DOT1L: variants seen among roughly 807,000 people sequenced by gnomAD.
DOT1L encodes the protein histone-lysine N-methyltransferase, H3 lysine-79 specific.
DOT1L carries 33 observed loss-of-function variants against 153.3 expected under a neutral mutation model. That is an observed-to-expected ratio of 0.22 (90% confidence interval 0.16 to 0.29). The LOEUF is 0.29. Among genes scored for constraint, DOT1L ranks in the 10% least tolerant of loss-of-function variants. DOT1L has a pLI of 1.00. For synonymous variants in DOT1L, 1,135 were observed against 965.1 expected, an observed-to-expected ratio of 1.18 and a Z score of -3.26; for missense variants, 1,847 against 2,119.9, an observed-to-expected ratio of 0.87 and a Z score of 2.53.
chr19:2,183,496 C>T (rs769103076), intron 2 of DOT1L, among the ~76,000 whole-genome samples: 3 of 152,084 alleles, frequency 2.0e-5, no homozygotes, highest in Non-Finnish European at 4.4e-5. Context: ...GTTTGGATGT[C>T]CGTTGAGAAT....
At position 2,207,469 on chromosome 19, in the gene DOT1L, G is replaced by A. The variant is rs894816071; in HGVS notation, c.857-105G>A. ...CGCAGTGTGGGAGAAGAGGGAAGAC[G>A]CGCAGCTCAGGCTTCTGTCCCCACG... On this transcript the variant is annotated intron_variant, in intron 10 of 27. Transcript: ENST00000398665. The surrounding 1 kb of genome is among the most constrained non-coding windows in gnomAD (Gnocchi z 4.5). 1.5e-5 allele frequency: 14 copies of A among 917,282 alleles called. No homozygotes were observed. Among genetic ancestry groups the A allele is most frequent in the South Asian group, 8.1e-5 (5 of 62,086 alleles). 56.8% of individuals were successfully genotyped at this position (917,282 alleles called of 1,614,324 possible). A position where few individuals can be genotyped will look rare whatever the true frequency, so the allele number is the denominator to read the frequency against.
chr19:2,172,346 C>T (rs1444839890), intron 1 of DOT1L, among the ~76,000 whole-genome samples: 3 of 148,978 alleles, frequency 2.0e-5, no homozygotes, highest in Non-Finnish European at 3.0e-5. Context: ...CCCGCCGCCA[C>T]GCCCAGCTAA....
intron 25 of DOT1L, among the ~76,000 whole-genome samples, chr19:2,224,399 T>G (rs1275731726): frequency 6.6e-6 from 1 of 152,102 alleles, no homozygotes; most frequent in Admixed American, 6.5e-5. Flanking sequence ...CACACTGAAT[T>G]TCTTGTTTTG....
rs867760416 is a variant in DOT1L, at chr19:2,165,277, G to A, written c.81+1012G>A. ...GGCCGGGCATCCCCGCGCGCCCTGGGACTCCCGCGCGCGCTGGGCTTGTGT... is the reference window on the plus strand; with the variant it reads ...GGCCGGGCATCCCCGCGCGCCCTGGAACTCCCGCGCGCGCTGGGCTTGTGT... On this transcript the variant is annotated intron_variant, in intron 1 of 27. Transcript: ENST00000398665. Among the ~76,000 whole-genome samples, 24 of 6,098 alleles carry A rather than the reference G, an allele frequency of 3.9e-3. 1 individual carries two copies. The highest frequency in any genetic ancestry group is 0.17 in the Middle Eastern group (2 of 12). 4.0% of individuals were successfully genotyped at this position (6,098 alleles called of 152,430 possible). A position where few individuals can be genotyped will look rare whatever the true frequency, so the allele number is the denominator to read the frequency against.
chr19:2,228,534 A>G, intron 27 of DOT1L: 1 of 985,226 alleles, frequency 1.0e-6, no homozygotes, highest in South Asian at 4.7e-5. Flanking sequence ...TGGTCGCGAG[A>G]GGAGGGACTA....
intron 18 of DOT1L, 140 bp downstream of exon 18, chr19:2,214,126 G>T: frequency 7.3e-7 from 1 of 1,375,188 alleles, no homozygotes; most frequent in South Asian, 1.4e-5. Context: ...CGCCACCTGT[G>T]AAAGCTTGTC....
Position 2,223,455 on chromosome 19 carries a change from C to T in DOT1L, c.3565C>T (p.Pro1189Ser). Residue 1189 changes from proline (P) to serine (S), a missense_variant, in exon 25 of 28, where the codon CCA (proline) becomes TCA (serine). Around this residue, in one of 8 missense-constraint regions of DOT1L, gnomAD observed 934 missense variants for 825.3 expected, o/e 1.13. Transcript: ENST00000398665. ...CTCCCCACTCACCTCAGACGAGGAG[C>T]CAGGCTCTGAGGACGAGCCCAGCAG... is the stretch of plus-strand genomic sequence containing the variant. ...HYSPLTSDEE[P>S]GSEDEPSSAR... 2 of 1,612,774 alleles carry T rather than the reference C, an allele frequency of 1.2e-6. No individual in the cohort carries two copies.
chr19:2,173,935 C>T (rs548461570), intron 1 of DOT1L, among the ~76,000 whole-genome samples: 68 of 152,264 alleles, frequency 4.5e-4, no homozygotes, highest in African/African-American at 1.5e-3. Flanking sequence ...CCAGGGAACT[C>T]CTTTGGTTGT....
chr19:2,232,482 T>C lies in DOT1L; in HGVS notation c.*2690T>C. On this transcript the variant is annotated 3_prime_UTR_variant, in exon 28 of 28. Coordinates refer to ENST00000398665, the MANE Select transcript of DOT1L (RefSeq NM_032482.3). ...ATTTGGATTGCGCGCATTGTCACGGTCCGCCCCTGGGCTGCAGGCGCCCCT... is the reference window on the plus strand; with the variant it reads ...ATTTGGATTGCGCGCATTGTCACGGCCCGCCCCTGGGCTGCAGGCGCCCCT... The C allele has an allele frequency of 4.5e-6, 1 of 222,004 alleles. No homozygotes were observed. The highest frequency in any genetic ancestry group is 9.0e-6 in the Non-Finnish European group (1 of 110,982). The allele number at this position is 222,004 out of a possible 1,614,324, so 13.8% of individuals were successfully genotyped here.
chr19:2,217,696 C>T lies in DOT1L; in HGVS notation c.2545-76C>T, dbSNP rs2144876623. Reference sequence around the variant, plus strand: ...GCCTTGAGAGAGCTGTAGCAGGCCCCCGTCCTGTGGCTGTGGTCCCTGTGT... The same window carrying T: ...GCCTTGAGAGAGCTGTAGCAGGCCCTCGTCCTGTGGCTGTGGTCCCTGTGT... On this transcript the variant is annotated intron_variant, in intron 21 of 27. Coordinates refer to ENST00000398665, the MANE Select transcript of DOT1L (RefSeq NM_032482.3). This position sits in a 1 kb window ranked among gnomAD's most constrained non-coding sequence, Gnocchi z 7.3. 1 of 1,532,566 alleles carries T rather than the reference C, an allele frequency of 6.5e-7. No homozygotes were observed. Among genetic ancestry groups the T allele is most frequent in the Non-Finnish European group, 8.8e-7 (1 of 1,136,894 alleles). The allele number at this position is 1,532,566 out of a possible 1,614,324, so 94.9% of individuals were successfully genotyped here. A position where few individuals can be genotyped will look rare whatever the true frequency, so the allele number is the denominator to read the frequency against.
At chr19:2,165,991 CG>C (rs1176040498) in intron 1 of DOT1L, among the ~76,000 whole-genome samples, 2 of 151,866 alleles carry the variant, frequency 1.3e-5, no homozygotes, top group African/African-American at 4.8e-5. Flanking sequence ...AGGATGGTCT[CG>C]ATCTCCTGAC....
At position 2,208,634 on chromosome 19, in the gene DOT1L, G is replaced by C. The variant is rs897337944; in HGVS notation, c.964-301G>C. On this transcript the variant is annotated intron_variant, in intron 11 of 27. Coordinates refer to ENST00000398665, the MANE Select transcript of DOT1L (RefSeq NM_032482.3). This position sits in a 1 kb window ranked among gnomAD's most constrained non-coding sequence, Gnocchi z 4.4. ...GAGGCGGGCGCGGTTCTTCTGTGCA[G>C]AAAGCCCTCCCTCTTCCAGAAGCAG... Among the ~76,000 whole-genome samples the C allele has an allele frequency of 7.2e-5, 11 of 152,208 alleles. No individual in the cohort carries two copies. The highest frequency in any genetic ancestry group is 2.7e-4 in the African/African-American group (11 of 41,458).
In DOT1L at chr19:2,229,854, A is replaced by G. The variant is rs1353709370; in HGVS notation, c.*62A>G. 3.7e-6 allele frequency: 6 copies of G among 1,611,696 alleles called. No individual in the cohort carries two copies. The African/African-American group carries it at 5.3e-5, about 14-fold the overall frequency. ...GTGTGGACCAACTCGCGCCCGCGGC[A>G]TGGTGCCCGCCGGCCTGCCGGGCTC... On this transcript the variant is annotated 3_prime_UTR_variant, in exon 28 of 28. Coordinates refer to ENST00000398665, the MANE Select transcript of DOT1L (RefSeq NM_032482.3).
At chr19:2,201,710 T>A (rs1292854654) in intron 8 of DOT1L, among the ~76,000 whole-genome samples, 2 of 152,198 alleles carry the variant, frequency 1.3e-5, no homozygotes, top group Non-Finnish European at 2.9e-5. Flanking sequence ...TACTGTCTTA[T>A]AACAAACTCT....
intron 27 of DOT1L, chr19:2,228,008 C>A (rs576783831): frequency 7.7e-7 from 1 of 1,294,976 alleles, no homozygotes; most frequent in Admixed American, 2.3e-5. Flanking sequence ...CACCTAACGC[C>A]GCCTTGCCTC....
At chr19:2,194,688 G>GCTGT in intron 7 of DOT1L, 111 bp downstream of exon 7, 115 of 1,262,098 alleles carry the variant, frequency 9.1e-5, no homozygotes, top group Admixed American at 1.8e-4. Flanking sequence ...TTGGCACATG[G>GCTGT]TGTGCCCCCT....
At chr19:2,203,813 T>C (rs1178436747) in intron 9 of DOT1L, among the ~76,000 whole-genome samples, 2 of 152,180 alleles carry the variant, frequency 1.3e-5, no homozygotes, top group Non-Finnish European at 2.9e-5. Context: ...TTGTGCTGCC[T>C]GCCTTCCTAG....
At chr19:2,218,271 C>T (rs1049594429) in intron 22 of DOT1L, among the ~76,000 whole-genome samples, 2 of 152,246 alleles carry the variant, frequency 1.3e-5, no homozygotes, top group African/African-American at 2.4e-5. Flanking sequence ...TCCCACCCAG[C>T]GCTGTGCATG....
chr19:2,172,986 A>G (rs2021726245), intron 1 of DOT1L, among the ~76,000 whole-genome samples: 1 of 152,016 alleles, frequency 6.6e-6, no homozygotes, highest in South Asian at 2.1e-4. Flanking sequence ...CAAAAAAAAA[A>G]AAAAAGTTCA....
Sources: gnomAD v4.1 joint callset for allele counts (sites outside exome capture counted in the v4.1 genomes callset) on GRCh38, gnomAD v4.1.1 for gene constraint, gnomAD v4.1.1 regional missense constraint, Gnocchi (gnomAD v3.1) non-coding constraint, MANE v1.5 for transcripts, NCBI Gene and HGNC (gene_info 2026-07-23, HGNC 2026-07-21) for gene names.